NBEAL2: variants seen among roughly 807,000 people sequenced by gnomAD.
NBEAL2 encodes neurobeachin like 2, also known as neurobeachin-like protein 2.
In NBEAL2, 160 loss-of-function variants were observed where a neutral mutation model predicts 299.8. The observed-to-expected ratio is 0.53, with a 90% CI of 0.47 to 0.61. The LOEUF (loss-of-function observed/expected upper bound fraction) is 0.61. NBEAL2 is among the 20% of genes least tolerant of loss of function. The pLI is 0.00. For missense variants in NBEAL2, 3,112 were observed against 3,649.0 expected (o/e 0.85, Z 3.79); for synonymous variants, 1,493 against 1,542.3 (o/e 0.97, Z 0.75).
rs771042846 is a variant in NBEAL2 at position 46,999,706 on chromosome 3, C to T, written c.3780C>T (p.Ile1260=). The T allele has an allele frequency of 6.2e-7, 1 of 1,613,226 alleles. No individual in the cohort carries two copies. The highest frequency in any genetic ancestry group is 1.3e-5 in the African/African-American group (1 of 74,924). ...CTGACCTCAGCGTTCGCCTAGACATCTGTCGCCAGGTGAGCATGAGAGGTA... is the reference window on the plus strand; with the variant it reads ...CTGACCTCAGCGTTCGCCTAGACATTTGTCGCCAGGTGAGCATGAGAGGTA... The part of the protein sequence containing the change: ...LQADLSVRLD[I]CRQLFHLIYG... Residue 1260 remains isoleucine, a synonymous_variant, in exon 26 of 54, where the codon ATC becomes ATT. Coordinates refer to ENST00000450053, the MANE Select transcript of NBEAL2 (RefSeq NM_015175.3).
intron 1 of NBEAL2, chr3:46,987,982 T>A: frequency 2.4e-5 from 30 of 1,276,368 alleles, no homozygotes; most frequent in Non-Finnish European, 3.1e-5. Context: ...AGGAGACATT[T>A]CCCGTTCACA....
Position 47,005,552 on chromosome 3 carries a change from C to T in NBEAL2, c.6624C>T (p.Ser2208=), listed in dbSNP as rs200186016. 2.7e-4 allele frequency: 435 copies of T among 1,612,260 alleles called. No individual in the cohort carries two copies. The African/African-American group carries it at 4.8e-3, about 18-fold the overall frequency. The change falls in exon 41 of 54, where the codon AGC becomes AGT. Residue 2208 remains serine (S), a synonymous_variant. Coordinates refer to ENST00000450053, the MANE Select transcript of NBEAL2 (RefSeq NM_015175.3). ...VAAAWQARLE[S]PADVKELIPE... ...CAGCCTGGCAGGCACGCCTGGAGAG[C>T]CCTGCCGATGTGAAGGAGCTCATCC... is the stretch of plus-strand genomic sequence containing the variant.
Position 47,009,597 on chromosome 3 carries a change from T to C in NBEAL2, c.*277T>C. 1 of 464,484 alleles carries C rather than the reference T, an allele frequency of 2.2e-6. No homozygotes were observed. Among genetic ancestry groups the C allele is most frequent in the Non-Finnish European group, 3.8e-6 (1 of 261,918 alleles). 28.8% of individuals were successfully genotyped at this position (464,484 alleles called of 1,614,324 possible). ...ACAGTCTGGGGCGGGGTTCCCCGGC[T>C]TCCAAGTCGCTGTTTCGTCAAAGCA... On this transcript the variant is annotated 3_prime_UTR_variant, in exon 54 of 54. Transcript: ENST00000450053.
At chr3:46,999,201 C>A in intron 24 of NBEAL2, 84 bp downstream of exon 24, 1 of 1,533,688 alleles carries the variant, frequency 6.5e-7, no homozygotes, top group Non-Finnish European at 8.8e-7. Context: ...AGGCCTTGGG[C>A]CAGCGGATGA....
intron 24 of NBEAL2, 69 bp downstream of exon 24, chr3:46,999,186 A>G: frequency 6.5e-7 from 1 of 1,539,892 alleles, no homozygotes; most frequent in East Asian, 2.4e-5. Context: ...TCAGGGAGGT[A>G]CAGCAGGCCT....
Position 47,003,802 on chromosome 3 carries a change from T to C in NBEAL2, c.5721-14T>C. The C allele has an allele frequency of 6.3e-7, 1 of 1,583,302 alleles. No individual in the cohort carries two copies. The highest frequency in any genetic ancestry group is 8.6e-7 in the Non-Finnish European group (1 of 1,163,730). On this transcript the variant is annotated splice_polypyrimidine_tract_variant and intron_variant, in intron 35 of 53. Coordinates refer to ENST00000450053, the MANE Select transcript of NBEAL2 (RefSeq NM_015175.3). This position sits in a 1 kb window ranked among gnomAD's most constrained non-coding sequence, Gnocchi z 7.0. ...CCCAGAGCCTACAGCGTGAGGTGGG[T>C]TGCTGGTCTTTAGGATGGAGGCAGC...
In NBEAL2 at chr3:47,009,111, G is replaced by A. The variant is rs1185700596; in HGVS notation, c.8150G>A (p.Gly2717Glu). The A allele has an allele frequency of 6.3e-7, 1 of 1,589,766 alleles. No homozygotes were observed. The highest frequency in any genetic ancestry group is 1.1e-5 in the South Asian group (1 of 89,100). ...EDGKLIVVVA[G>E]QPSEVRSSQF... is the part of the protein sequence containing the mutation. The stretch of plus-strand genomic sequence containing the variant: ...GGCAAGCTCATCGTGGTGGTCGCGG[G>A]GCAGCCCTCTGAGGTGAGGATGGGG... The change falls in exon 53 of 54, where the codon GGG (glycine) becomes GAG (glutamate). Residue 2717 changes from glycine (G) to glutamate (E), a missense_variant. This residue lies in a region of NBEAL2 where 348 missense variants were observed against 381.4 expected (regional missense o/e 0.91). Coordinates refer to ENST00000450053, the MANE Select transcript of NBEAL2 (RefSeq NM_015175.3).
Position 47,004,814 on chromosome 3 carries a change from C to G in NBEAL2, c.6295-158C>G. On this transcript the variant is annotated intron_variant, in intron 38 of 53. Transcript: ENST00000450053. This position sits in a 1 kb window ranked among gnomAD's most constrained non-coding sequence, Gnocchi z 5.0. Reference sequence around the variant, plus strand: ...CTATTCCTCAAAAGGAATCCTGTTCCAGGACACTCTGTCCTTCTCCCCTGT... The same window carrying G: ...CTATTCCTCAAAAGGAATCCTGTTCGAGGACACTCTGTCCTTCTCCCCTGT... The G allele has an allele frequency of 8.3e-7, 1 of 1,199,094 alleles. No homozygotes were observed. Among genetic ancestry groups the G allele is most frequent in the Admixed American group, 2.1e-5 (1 of 46,518 alleles). The allele number at this position is 1,199,094 out of a possible 1,614,324, so 74.3% of individuals were successfully genotyped here.
At chr3:46,998,631 G>GTAT in intron 22 of NBEAL2, 66 bp downstream of exon 22, 1 of 1,567,168 alleles carries the variant, frequency 6.4e-7, no homozygotes, top group Non-Finnish European at 8.7e-7. Flanking sequence ...TTGGGGACTG[G>GTAT]GCGGTGCGCT....
rs1181711646 is a variant in NBEAL2, at chr3:47,000,668, G to C, written c.4305+264G>C. Among the ~76,000 whole-genome samples the C allele has an allele frequency of 6.6e-6, 1 of 152,140 alleles. No homozygotes were observed. The highest frequency in any genetic ancestry group is 1.5e-5 in the Non-Finnish European group (1 of 68,004). On this transcript the variant is annotated intron_variant, in intron 27 of 53. Transcript: ENST00000450053. The surrounding 1 kb of genome is among the most constrained non-coding windows in gnomAD (Gnocchi z 4.5). ...GGCCCTCAAGAGAGCCTGTAGGGCA[G>C]ACACCTCACAGGGTCCAAGGGCAGC...
At position 46,988,970 on chromosome 3, in the gene NBEAL2, G is replaced by A; in HGVS notation, c.269G>A (p.Arg90Lys). 6.2e-7 allele frequency: 1 copy of A among 1,612,800 alleles called. No homozygotes were observed. The highest frequency in any genetic ancestry group is 8.5e-7 in the Non-Finnish European group (1 of 1,179,194). The change falls in exon 3 of 54, where the codon AGG becomes AAG. Residue 90 changes from arginine (R) to lysine (K), a missense_variant and splice_region_variant. Transcript: ENST00000450053. The surrounding 1 kb of genome is among the most constrained non-coding windows in gnomAD (Gnocchi z 4.4). ...LLLKLFIILC[R>K]NLENIEAGRG... ...CTCAAGCTCTTCATCATTCTCTGCAGGTGTCTCTGTTGTCCACTCTACAAG... is the reference window on the plus strand; with the variant it reads ...CTCAAGCTCTTCATCATTCTCTGCAAGTGTCTCTGTTGTCCACTCTACAAG...
rs1341102038 is a variant in NBEAL2 at position 47,002,983 on chromosome 3, T to C, written c.5486T>C (p.Leu1829Pro). Residue 1829 changes from leucine (L) to proline (P), a missense_variant, in exon 34 of 54, where the codon CTG becomes CCG. By Grantham distance (98) the Leu-to-Pro change is moderately conservative. Coordinates refer to ENST00000450053, the MANE Select transcript of NBEAL2 (RefSeq NM_015175.3). ...LRDTPIPRWK[L>P]SSAETYSRMR... ...GACACTCCCATCCCCCGCTGGAAAC[T>C]GTCCAGCGCCGAGACATATTCACGC... 1 of 1,613,384 alleles carries C rather than the reference T, an allele frequency of 6.2e-7. No homozygotes were observed. Among genetic ancestry groups the C allele is most frequent in the Admixed American group, 1.7e-5 (1 of 60,006 alleles).
Position 47,003,851 on chromosome 3 carries a change from A to C in NBEAL2, c.5756A>C (p.Lys1919Thr). Residue 1919 changes from lysine (K) to threonine (T), a missense_variant, in exon 36 of 54, where the codon AAG (lysine) becomes ACG (threonine). Coordinates refer to ENST00000450053, the MANE Select transcript of NBEAL2 (RefSeq NM_015175.3). The surrounding 1 kb of genome is among the most constrained non-coding windows in gnomAD (Gnocchi z 7.0). ...GCAGAACTGGATGAGCAGCGTGAGA[A>C]GCTGGTGCTGTCGGCCGAGTGCCAG... is the stretch of plus-strand genomic sequence containing the variant. ...EAAELDEQRE[K>T]LVLSAECQLV... The C allele has an allele frequency of 6.2e-7, 1 of 1,612,438 alleles. No individual in the cohort carries two copies. The highest frequency in any genetic ancestry group is 8.5e-7 in the Non-Finnish European group (1 of 1,179,174).
At position 46,996,315 on chromosome 3, in the gene NBEAL2, G is replaced by C. The variant is rs201880318; in HGVS notation, c.2196G>C (p.Thr732=). The part of the protein sequence containing the change: ...CCIGSAGYRT[T]TTTTGLPTPP... The stretch of plus-strand genomic sequence containing the variant: ...TCGGCTCCGCTGGATACCGCACAAC[G>C]ACCACCACCACAGGGCTGCCCACAC... The change falls in exon 16 of 54, where the codon ACG becomes ACC. Residue 732 remains threonine, a synonymous_variant. Transcript: ENST00000450053. The C allele has an allele frequency of 1.9e-6, 3 of 1,610,478 alleles. No individual in the cohort carries two copies. Among genetic ancestry groups the C allele is most frequent in the South Asian group, 1.1e-5 (1 of 91,070 alleles).
rs537870942 is a variant in NBEAL2, at chr3:47,009,002, G to A, written c.8041G>A (p.Ala2681Thr). ...TCTCCCTTCCAGACTGCTCCCGGCC[G>A]CGCCTCCCTTGCCCATGAAGGTGGC... The part of the protein sequence containing the change: ...ILQLNTLLPA[A>T]PPLPMKVAIR... Residue 2681 changes from alanine (A) to threonine (T), a missense_variant, in exon 53 of 54, where the codon GCG (alanine) becomes ACG (threonine). Ala to Thr is a moderately conservative substitution (Grantham distance 58, BLOSUM62 0). This residue lies in a region of NBEAL2 where 348 missense variants were observed against 381.4 expected (regional missense o/e 0.91). Transcript: ENST00000450053. 6.3e-7 allele frequency: 1 copy of A among 1,599,606 alleles called. No homozygotes were observed. Among genetic ancestry groups the A allele is most frequent in the South Asian group, 1.1e-5 (1 of 91,086 alleles).
At chr3:46,992,297 C>T (rs535838322) in intron 9 of NBEAL2, among the ~76,000 whole-genome samples, 178 bp from the exon 10 acceptor site, 7 of 152,308 alleles carry the variant, frequency 4.6e-5, no homozygotes, top group South Asian at 2.1e-4. Context: ...TGCTCCCACC[C>T]GCTCATCCCC....
Position 47,003,728 on chromosome 3 carries a change from C to A in NBEAL2, c.5721-88C>A. 6.8e-7 allele frequency: 1 copy of A among 1,466,412 alleles called. No individual in the cohort carries two copies. The highest frequency in any genetic ancestry group is 1.4e-5 in the South Asian group (1 of 73,178). The allele number at this position is 1,466,412 out of a possible 1,614,324, so 90.8% of individuals were successfully genotyped here. A position where few individuals can be genotyped will look rare whatever the true frequency, so the allele number is the denominator to read the frequency against. Reference sequence around the variant, plus strand: ...CTGGGAGTCATGAGAGTATATACCCCATGACTCAATGGCACTTGGATGCCC... The same window carrying A: ...CTGGGAGTCATGAGAGTATATACCCAATGACTCAATGGCACTTGGATGCCC... On this transcript the variant is annotated intron_variant, in intron 35 of 53. Transcript: ENST00000450053. The surrounding 1 kb of genome is among the most constrained non-coding windows in gnomAD (Gnocchi z 7.0).
rs759092800 is a variant in NBEAL2, at chr3:47,000,137, C to T, written c.4038C>T (p.Tyr1346=). The part of the protein sequence containing the change: ...EAPCPDPDGF[Y]HALSPFCTPF... ...CCTGCCCTGACCCTGATGGCTTTTA[C>T]CATGCTCTCTCCCCATTCTGCACGC... Residue 1346 remains tyrosine, a synonymous_variant, in exon 27 of 54, where the codon TAC becomes TAT. Coordinates refer to ENST00000450053, the MANE Select transcript of NBEAL2 (RefSeq NM_015175.3). This position sits in a 1 kb window ranked among gnomAD's most constrained non-coding sequence, Gnocchi z 4.5. 5.6e-6 allele frequency: 9 copies of T among 1,613,800 alleles called. No individual in the cohort carries two copies. Among genetic ancestry groups the T allele is most frequent in the African/African-American group, 2.7e-5 (2 of 75,016 alleles).
In NBEAL2 at chr3:46,988,773, C is replaced by T. The variant is rs372154707; in HGVS notation, c.140+16C>T. On this transcript the variant is annotated intron_variant, in intron 2 of 53. Coordinates refer to ENST00000450053, the MANE Select transcript of NBEAL2 (RefSeq NM_015175.3). This position sits in a 1 kb window ranked among gnomAD's most constrained non-coding sequence, Gnocchi z 4.4. ...AGCCACGAAGGTGAGGCTGGATCTG[C>T]ACTGAGGGCAGGGACAGAGCAGGGA... The T allele has an allele frequency of 2.3e-5, 37 of 1,611,324 alleles. No homozygotes were observed. The African/African-American group carries it at 4.5e-4, about 20-fold the overall frequency.
Sources: allele counts gnomAD v4.1 joint callset (sites outside exome capture counted in the v4.1 genomes callset), GRCh38; gene constraint gnomAD v4.1.1; regional missense constraint gnomAD v4.1.1; non-coding constraint Gnocchi (gnomAD v3.1); transcripts MANE v1.5; gene names NCBI Gene and HGNC (gene_info 2026-07-23, HGNC 2026-07-21).